The following UFD1 variants were observed in gnomAD, a reference collection of about 807,000 sequenced individuals.
The protein encoded by UFD1 is ubiquitin recognition factor in ER-associated degradation protein 1.
In UFD1, 13 loss-of-function variants were observed where a neutral mutation model predicts 45.9. That is an observed-to-expected ratio of 0.28 (90% CI 0.18 to 0.45). UFD1 has a LOEUF of 0.45. Ranked by LOEUF, UFD1 falls within the 20% of genes least tolerant of loss-of-function variation. The pLI is 1.00. For missense variants in UFD1, 218 were observed against 389.2 expected, an observed-to-expected ratio of 0.56 and a Z score of 3.70; for synonymous variants, 128 against 139.2, an observed-to-expected ratio of 0.92 and a Z score of 0.56.
chr22:19,453,108 C>G lies in UFD1; in HGVS notation c.849+1641G>C, dbSNP rs955352662. ...TCAGAGATAGTAGTCTAGAGACCTA[C>G]TGGAGTCGAGCCTCCAGCCTTCTGG... is the stretch of plus-strand genomic sequence containing the variant. On this transcript the variant is annotated intron_variant, in intron 11 of 11. Coordinates refer to ENST00000263202, the MANE Select transcript of UFD1 (RefSeq NM_005659.7). 54 of 985,450 alleles carry G rather than the reference C, an allele frequency of 5.5e-5. 1 individual carries two copies. The African/African-American group carries it at 8.9e-4, about 16-fold the overall frequency. The allele number at this position is 985,450 out of a possible 1,614,324, so 61.0% of individuals were successfully genotyped here. A position where few individuals can be genotyped will look rare whatever the true frequency, so the allele number is the denominator to read the frequency against.
At chr22:19,458,423 A>T (rs746288623) in intron 6 of UFD1, among the ~76,000 whole-genome samples, 4 of 152,162 alleles carry the variant, frequency 2.6e-5, no homozygotes, top group Non-Finnish European at 4.4e-5. Flanking sequence ...TGGAAAGTTC[A>T]CTTCTGGAAC....
At chr22:19,477,551 C>A (rs2089892709) in intron 1 of UFD1, among the ~76,000 whole-genome samples, 1 of 152,034 alleles carries the variant, frequency 6.6e-6, no homozygotes, top group Non-Finnish European at 1.5e-5. Context: ...AAATGGAGAG[C>A]TATTGTTTAA....
intron 1 of UFD1, 82 bp downstream of exon 1, chr22:19,479,001 C>G: frequency 1.0e-3 from 1,253 of 1,229,274 alleles, no homozygotes; most frequent in Non-Finnish European, 1.3e-3. Flanking sequence ...CCGCCGCCGT[C>G]CCGCCCCGCC....
rs901778277 is a variant in UFD1 at position 19,453,894 on chromosome 22, A to C, written c.849+855T>G. ...CTCAAGGGTCCAATCCTTTGAGAAA[A>C]GGAACCAGGAGAGCGATGGGTCTGA... On this transcript the variant is annotated intron_variant, in intron 11 of 11. Coordinates refer to ENST00000263202, the MANE Select transcript of UFD1 (RefSeq NM_005659.7). 10 of 985,384 alleles carry C rather than the reference A, an allele frequency of 1.0e-5. No homozygotes were observed. In the African/African-American group the frequency reaches 1.7e-4, roughly 17 times the overall value. 61.0% of individuals were successfully genotyped at this position (985,384 alleles called of 1,614,324 possible). A position where few individuals can be genotyped will look rare whatever the true frequency, so the allele number is the denominator to read the frequency against.
chr22:19,471,367 C>G (rs2089843867), intron 4 of UFD1: 1 of 605,878 alleles, frequency 1.7e-6, no homozygotes, highest in African/African-American at 1.8e-5. Flanking sequence ...CTTACTAGAC[C>G]ACCTAAAAAA....
At chr22:19,473,718 A>G (rs2089862061) in intron 3 of UFD1, among the ~76,000 whole-genome samples, 1 of 152,200 alleles carries the variant, frequency 6.6e-6, no homozygotes, top group Non-Finnish European at 1.5e-5. Flanking sequence ...GTTGTCACAG[A>G]CACTACAGTA....
At chr22:19,451,747 G>A (rs2089684487) in intron 11 of UFD1, 9 of 985,410 alleles carry the variant, frequency 9.1e-6, no homozygotes, top group Non-Finnish European at 1.1e-5. Context: ...TTCCTTTGCC[G>A]CACAGCCTTC....
intron 11 of UFD1, chr22:19,452,201 T>C (rs933758252): frequency 6.5e-6 from 1 of 153,426 alleles, no homozygotes; most frequent in Non-Finnish European, 1.4e-5. Flanking sequence ...CAGGTTTGGT[T>C]TCCTCTGACA....
intron 2 of UFD1, among the ~76,000 whole-genome samples, 183 bp downstream of exon 2, chr22:19,475,287 G>C (rs2089873380): frequency 6.6e-6 from 1 of 152,132 alleles, no homozygotes; most frequent in Non-Finnish European, 1.5e-5. Context: ...ATGGTTATCA[G>C]CCATAAACCT....
intron 6 of UFD1, among the ~76,000 whole-genome samples, chr22:19,459,359 A>G (rs1420052241): frequency 1.3e-5 from 2 of 152,224 alleles, no homozygotes; most frequent in Non-Finnish European, 2.9e-5. Flanking sequence ...TCACGCCTGT[A>G]ATCCCAGCAC....
chr22:19,474,549 A>T (rs1335365933), intron 3 of UFD1, among the ~76,000 whole-genome samples: 3 of 152,120 alleles, frequency 2.0e-5, no homozygotes, highest in African/African-American at 7.2e-5. Flanking sequence ...TCTGTCTCAA[A>T]AAATAAATAA....
At position 19,456,534 on chromosome 22, in the gene UFD1, A is replaced by T; in HGVS notation, c.678+53T>A. On this transcript the variant is annotated intron_variant, in intron 9 of 11. Coordinates refer to ENST00000263202, the MANE Select transcript of UFD1 (RefSeq NM_005659.7). ...GGAGAACACCTTGAGTGAGTGCTCT[A>T]ATTTCAAGGAGCAGAGGGCACAGCA... 6.8e-6 allele frequency: 11 copies of T among 1,610,526 alleles called. No homozygotes were observed. In the South Asian group the frequency reaches 1.2e-4, roughly 18 times the overall value.
chr22:19,474,828 C>T (rs2089870206), intron 3 of UFD1, among the ~76,000 whole-genome samples: 1 of 152,170 alleles, frequency 6.6e-6, no homozygotes, highest in African/African-American at 2.4e-5. Context: ...GAACCCCCTT[C>T]ACAGAGGAGG....
intron 4 of UFD1, chr22:19,471,320 A>G (rs965003609): frequency 9.2e-6 from 5 of 543,860 alleles, no homozygotes; most frequent in African/African-American, 7.5e-5. Flanking sequence ...CAGACTACTA[A>G]AAGTAGGGGA....
intron 1 of UFD1, among the ~76,000 whole-genome samples, chr22:19,477,880 T>C (rs1468576008): frequency 1.3e-5 from 2 of 152,234 alleles, no homozygotes; most frequent in South Asian, 2.1e-4. Flanking sequence ...CTTTACTCCC[T>C]GGCACTCTAA....
chr22:19,465,361 A>G, intron 5 of UFD1, 87 bp from the exon 6 acceptor site: 1 of 1,160,772 alleles, frequency 8.6e-7, no homozygotes, highest in East Asian at 2.3e-5. Flanking sequence ...ACTGGTAGGT[A>G]GAGACTGTAC....
At chr22:19,468,087 G>T (rs974099909) in intron 4 of UFD1, 84 bp from the exon 5 acceptor site, 2 of 1,536,916 alleles carry the variant, frequency 1.3e-6, no homozygotes, top group Non-Finnish European at 1.8e-6. Flanking sequence ...GGGCAGGCCC[G>T]TCTTACTTGG....
At chr22:19,452,689 A>T (rs905524938) in intron 11 of UFD1, 1 of 152,086 alleles carries the variant, frequency 6.6e-6, no homozygotes, top group African/African-American at 2.4e-5. Context: ...ATGCTTGGCT[A>T]ATTTTTAAAA....
chr22:19,477,693 C>CT (rs1489914283), intron 1 of UFD1, among the ~76,000 whole-genome samples: 1 of 108,542 alleles, frequency 9.2e-6, no homozygotes, highest in Non-Finnish European at 2.1e-5. Flanking sequence ...TTAACCACAA[C>CT]TAAAAAAAAA....
Sources: allele counts gnomAD v4.1 joint callset (sites outside exome capture counted in the v4.1 genomes callset), GRCh38; gene constraint gnomAD v4.1.1; transcripts MANE v1.5; gene names NCBI Gene and HGNC (gene_info 2026-07-23, HGNC 2026-07-21).